Variants in SCTR observed in about 807,000 individuals in gnomAD.
SCTR encodes the protein pancreatic secretin receptor.
In SCTR, 56 loss-of-function variants were observed where a neutral mutation model predicts 60.8. The ratio of observed to expected loss-of-function variants is 0.92; its 90% confidence interval spans 0.74 to 1.15. SCTR has a LOEUF of 1.15. Among genes scored for constraint, SCTR ranks in the 50% most tolerant of loss-of-function variants. SCTR has a pLI of 0.00. For missense variants in SCTR, 562 were observed against 550.4 expected, an observed-to-expected ratio of 1.02 and a Z score of -0.21; for synonymous variants, 202 against 217.0, an observed-to-expected ratio of 0.93 and a Z score of 0.61.
chr2:119,490,058 C>T (rs972092227), intron 2 of SCTR, among the ~76,000 whole-genome samples: 10 of 152,160 alleles, frequency 6.6e-5, no homozygotes, highest in Admixed American at 2.6e-4. Flanking sequence ...TCTGGCTGGC[C>T]TTGTTGGTGC....
intron 1 of SCTR, among the ~76,000 whole-genome samples, chr2:119,519,911 G>A (rs950488195): frequency 6.7e-6 from 1 of 149,938 alleles, no homozygotes. Flanking sequence ...ATGTCACCAT[G>A]TCCAGCTGGG....
chr2:119,464,346 T>A, intron 5 of SCTR, 91 bp from the exon 6 acceptor site: 1 of 1,288,282 alleles, frequency 7.8e-7, no homozygotes, highest in Non-Finnish European at 1.1e-6. Context: ...CTGGGGAAAC[T>A]GAGGCCCTAG....
At chr2:119,495,525 G>A (rs1178379695) in intron 1 of SCTR, 1 of 152,186 alleles carries the variant, frequency 6.6e-6, no homozygotes, top group Non-Finnish European at 1.5e-5. Flanking sequence ...TAATGGAGCA[G>A]GGAGAGAAGA....
intron 1 of SCTR, among the ~76,000 whole-genome samples, chr2:119,500,605 G>C (rs1018767223): frequency 3.3e-5 from 5 of 152,150 alleles, no homozygotes; most frequent in Admixed American, 2.6e-4. Context: ...ATTATGCTAA[G>C]TGAAATATGC....
At chr2:119,453,810 T>A (rs1683266859) in intron 7 of SCTR, among the ~76,000 whole-genome samples, 1 of 152,188 alleles carries the variant, frequency 6.6e-6, no homozygotes, top group Non-Finnish European at 1.5e-5. Flanking sequence ...TATTGGTTTG[T>A]AAAAAGCTTG....
chr2:119,441,436 C>T, intron 12 of SCTR, 122 bp downstream of exon 12: 1 of 761,058 alleles, frequency 1.3e-6, no homozygotes, highest in Non-Finnish European at 2.3e-6. Context: ...GCCACCAGAC[C>T]CAGGACTCCC....
chr2:119,451,466 G>A (rs1237335554), intron 9 of SCTR, among the ~76,000 whole-genome samples: 1 of 152,170 alleles, frequency 6.6e-6, no homozygotes, highest in Non-Finnish European at 1.5e-5. Context: ...CACCAGGGTT[G>A]ACACTCACAA....
intron 1 of SCTR, among the ~76,000 whole-genome samples, chr2:119,521,593 G>A (rs751273788): frequency 5.3e-5 from 8 of 152,008 alleles, no homozygotes; most frequent in African/African-American, 1.7e-4. Context: ...TGCCCCATTC[G>A]GCCACTTTTT....
intron 2 of SCTR, among the ~76,000 whole-genome samples, chr2:119,488,603 T>C (rs1366783927): frequency 1.3e-5 from 2 of 152,184 alleles, no homozygotes; most frequent in African/African-American, 4.8e-5. Flanking sequence ...GTAATGTGAA[T>C]GTGCACTTGG....
At chr2:119,482,241 G>A (rs1422147501) in intron 2 of SCTR, among the ~76,000 whole-genome samples, 1 of 152,210 alleles carries the variant, frequency 6.6e-6, no homozygotes, top group Non-Finnish European at 1.5e-5. Context: ...GCCTGGGTTA[G>A]GGGGGATGCT....
chr2:119,514,522 T>G (rs1303464783), intron 1 of SCTR, among the ~76,000 whole-genome samples: 1 of 152,174 alleles, frequency 6.6e-6, no homozygotes, highest in East Asian at 1.9e-4. Context: ...TGGAGTTTAA[T>G]TTTGGACTCT....
At chr2:119,495,336 CCT>C (rs1678304431) in intron 1 of SCTR, 5 of 152,240 alleles carry the variant, frequency 3.3e-5, no homozygotes, top group African/African-American at 1.2e-4. Context: ...CATAATCACA[CCT>C]AGAACAGCGA....
In SCTR at chr2:119,440,206, G is replaced by A. The variant is rs548246039; in HGVS notation, c.1234C>T (p.Pro412Ser). ...CTGAAGGAGGCCACGGGGTGCAGTGGGAACTCACGGAGGTGCCATTGCTGC... is the reference window on the plus strand; with the variant it reads ...CTGAAGGAGGCCACGGGGTGCAGTGAGAACTCACGGAGGTGCCATTGCTGC... Reference protein sequence around the residue: ...KWQQWHLREFPLHPVASFSNS... With the variant: ...KWQQWHLREFSLHPVASFSNS... The change falls in exon 13 of 13, where the codon CCA becomes TCA. Residue 412 changes from proline (P) to serine (S), a missense_variant. By Grantham distance (74) the Pro-to-Ser change is moderately conservative (BLOSUM62 -1). Coordinates refer to ENST00000019103, the MANE Select transcript of SCTR (RefSeq NM_002980.3). 3 of 1,614,086 alleles carry A rather than the reference G, an allele frequency of 1.9e-6. No individual in the cohort carries two copies. The highest frequency in any genetic ancestry group is 3.3e-5 in the Admixed American group (2 of 60,024).
chr2:119,524,138 A>G lies in SCTR; in HGVS notation c.72+17T>C, dbSNP rs1409691258. On this transcript the variant is annotated intron_variant, in intron 1 of 12. Coordinates refer to ENST00000019103, the MANE Select transcript of SCTR (RefSeq NM_002980.3). ...GCTCCCTCGGGTCCCCAGCCTGCAG[A>G]AGGGCGCAGTACTCACCGAGTGCGC... The G allele has an allele frequency of 6.5e-7, 1 of 1,543,140 alleles. No homozygotes were observed.
In SCTR at chr2:119,474,581, C is replaced by G. The variant is rs1480227720; in HGVS notation, c.302-1025G>C. ...TCCTGTGGGTAGGAGCCCTGCCACCCCTTTGCTCTCACTGGAGCCTTAACA... is the reference window on the plus strand; with the variant it reads ...TCCTGTGGGTAGGAGCCCTGCCACCGCTTTGCTCTCACTGGAGCCTTAACA... On this transcript the variant is annotated intron_variant, in intron 3 of 12. Coordinates refer to ENST00000019103, the MANE Select transcript of SCTR (RefSeq NM_002980.3). Among the ~76,000 whole-genome samples, 16 of 152,302 alleles carry G rather than the reference C, an allele frequency of 1.1e-4. No individual in the cohort carries two copies. The East Asian group carries it at 2.9e-3, about 28-fold the overall frequency.
Position 119,512,304 on chromosome 2 carries a change from C to G in SCTR, c.72+11851G>C, listed in dbSNP as rs572964124. On this transcript the variant is annotated intron_variant, in intron 1 of 12. Transcript: ENST00000019103. ...TGTCTTCGTGATCTTCTTCCTCTTCCTCTTCCCCTTCCCCTTCCCCTTCCC... is the reference window on the plus strand; with the variant it reads ...TGTCTTCGTGATCTTCTTCCTCTTCGTCTTCCCCTTCCCCTTCCCCTTCCC... Among the ~76,000 whole-genome samples the G allele has an allele frequency of 3.5e-5, 5 of 141,734 alleles. No homozygotes were observed. The East Asian group carries it at 1.1e-3, about 30-fold the overall frequency. 93.0% of individuals were successfully genotyped at this position (141,734 alleles called of 152,430 possible).
chr2:119,492,637 A>G (rs906931425), intron 2 of SCTR, among the ~76,000 whole-genome samples: 3 of 152,166 alleles, frequency 2.0e-5, no homozygotes, highest in African/African-American at 4.8e-5. Context: ...TATTGTGGAA[A>G]CATCACCTCT....
intron 1 of SCTR, among the ~76,000 whole-genome samples, chr2:119,512,305 T>TCTTCCCCTTCCCCTTCCC (rs70947298): frequency 8.7e-6 from 1 of 114,802 alleles, no homozygotes; most frequent in Admixed American, 9.8e-5. Flanking sequence ...TTCCTCTTCC[T>TCTTCCCCTTCCCCTTCCC]CTTCCCCTTC....
At chr2:119,518,401 A>C (rs571356397) in intron 1 of SCTR, among the ~76,000 whole-genome samples, 9 of 145,276 alleles carry the variant, frequency 6.2e-5, no homozygotes, top group African/African-American at 2.6e-4. Context: ...GGCCATCAGG[A>C]GCACGCCTAA....
Sources: allele counts gnomAD v4.1 joint callset (sites outside exome capture counted in the v4.1 genomes callset), GRCh38; gene constraint gnomAD v4.1.1; transcripts MANE v1.5; gene names NCBI Gene and HGNC (gene_info 2026-07-23, HGNC 2026-07-21).